Variants in ANKS3 observed in about 807,000 individuals in gnomAD.
The protein encoded by ANKS3 is ankyrin repeat and sterile alpha motif domain containing 3, also known as ankyrin repeat and SAM domain-containing protein 3.
Under a neutral mutation model 80.7 loss-of-function variants are expected in ANKS3, and 62 were observed. The ratio of observed to expected loss-of-function variants is 0.77; its 90% CI spans 0.63 to 0.95. The LOEUF (loss-of-function observed/expected upper bound fraction) is 0.95. ANKS3 is among the 40% of genes least tolerant of loss of function. The probability of loss-of-function intolerance (pLI) is 0.00; values close to 1 mark genes in which losing one functional copy is unlikely to be tolerated. For missense variants in ANKS3, 1,150 were observed against 883.6 expected (o/e 1.30, Z -3.82); for synonymous variants, 489 against 355.3 (o/e 1.38, Z -4.23).
intron 3 of ANKS3, 183 bp from the exon 4 acceptor site, chr16:4,727,360 G>A: frequency 1.6e-6 from 1 of 638,912 alleles, no homozygotes; most frequent in East Asian, 2.7e-5. Flanking sequence ...CTCGTACACT[G>A]CCTTGTGAGG....
rs760617540 is a variant in ANKS3, at chr16:4,698,075, G to C, written c.1725-13C>G. 3 of 1,600,352 alleles carry C rather than the reference G, an allele frequency of 1.9e-6. No homozygotes were observed. Among genetic ancestry groups the C allele is most frequent in the Admixed American group, 3.4e-5 (2 of 58,076 alleles). ...AGCTTGACAGGCTCTGCCAGACACA[G>C]AAACAAATATTGGTGAGAGCAGAGG... On this transcript the variant is annotated splice_polypyrimidine_tract_variant and intron_variant, in intron 14 of 17. Coordinates refer to ENST00000304283, the MANE Select transcript of ANKS3 (RefSeq NM_133450.4).
At chr16:4,722,093 G>A (rs190487421) in intron 6 of ANKS3, among the ~76,000 whole-genome samples, 1 of 151,382 alleles carries the variant, frequency 6.6e-6, no homozygotes, top group Non-Finnish European at 1.5e-5. Flanking sequence ...CAGGCAGGGT[G>A]GGGGACAGGC....
At chr16:4,712,993 A>G (rs1046013247) in intron 7 of ANKS3, among the ~76,000 whole-genome samples, 3 of 151,472 alleles carry the variant, frequency 2.0e-5, no homozygotes, top group Admixed American at 2.0e-4. Flanking sequence ...TGCAGGGCTG[A>G]GTGCAGTGGC....
At chr16:4,726,211 C>A (rs1002797568) in intron 5 of ANKS3, among the ~76,000 whole-genome samples, 2 of 151,966 alleles carry the variant, frequency 1.3e-5, no homozygotes, top group African/African-American at 4.8e-5. Flanking sequence ...CTCCTGACCT[C>A]GTGATCTGCC....
At chr16:4,717,137 G>C (rs1448905079) in intron 6 of ANKS3, among the ~76,000 whole-genome samples, 5 of 152,046 alleles carry the variant, frequency 3.3e-5, no homozygotes, top group African/African-American at 1.2e-4. Context: ...AGCTACTCAG[G>C]AAGCTGAGGA....
At chr16:4,697,441 G>A (rs2079626409) in intron 15 of ANKS3, 25 bp from the exon 16 acceptor site, 1 of 1,562,286 alleles carries the variant, frequency 6.4e-7, no homozygotes. Flanking sequence ...CAGGGACCGA[G>A]TTAGCTGGGG....
Position 4,698,121 on chromosome 16 carries a change from C to T in ANKS3, c.1725-59G>A, listed in dbSNP as rs142956622. The T allele has an allele frequency of 7.5e-4, 1,141 of 1,512,004 alleles. 10 individuals carry two copies. The African/African-American group carries it at 0.014, about 19-fold the overall frequency. The allele number at this position is 1,512,004 out of a possible 1,614,324, so 93.7% of individuals were successfully genotyped here. Reference sequence around the variant, plus strand: ...AGAGGCCTGGCCGCTGCAGAGCCCCCACCTCAGACCTTCTAGGGGAGGGAG... The same window carrying T: ...AGAGGCCTGGCCGCTGCAGAGCCCCTACCTCAGACCTTCTAGGGGAGGGAG... On this transcript the variant is annotated intron_variant, in intron 14 of 17. Transcript: ENST00000304283.
intron 8 of ANKS3, among the ~76,000 whole-genome samples, chr16:4,703,030 G>A (rs1384602698): frequency 2.6e-5 from 4 of 152,348 alleles, no homozygotes; most frequent in South Asian, 2.1e-4. Flanking sequence ...TGGTTGATGG[G>A]ACCATGGGGA....
At chr16:4,717,792 C>T in intron 6 of ANKS3, among the ~76,000 whole-genome samples, 1 of 151,972 alleles carries the variant, frequency 6.6e-6, no homozygotes, top group Non-Finnish European at 1.5e-5. Context: ...CAAACACACA[C>T]CACAACTGGC....
At chr16:4,708,753 T>G (rs1454599247) in intron 7 of ANKS3, among the ~76,000 whole-genome samples, 1 of 148,970 alleles carries the variant, frequency 6.7e-6, no homozygotes, top group Non-Finnish European at 1.5e-5. Context: ...GCTAACACAG[T>G]GAAACCCTGT....
At chr16:4,702,418 T>A (rs2079967276) in intron 8 of ANKS3, among the ~76,000 whole-genome samples, 176 bp from the exon 9 acceptor site, 1 of 152,148 alleles carries the variant, frequency 6.6e-6, no homozygotes. Flanking sequence ...TGAGGGTCAG[T>A]CAGTGGCCCA....
rs772236718 is a variant in ANKS3 at position 4,698,605 on chromosome 16, G to C, written c.1552-6C>G. 2.9e-5 allele frequency: 45 copies of C among 1,546,724 alleles called. No individual in the cohort carries two copies. The Admixed American group carries it at 4.1e-4, about 14-fold the overall frequency. ...GCCTCTACCTCCTCGCAGCGCTGCA[G>C]GGGGGTGGGGGGCGCGGGGAGGCTG... is the stretch of plus-strand genomic sequence containing the variant. On this transcript the variant is annotated splice_polypyrimidine_tract_variant and splice_region_variant and intron_variant, in intron 13 of 17. Transcript: ENST00000304283.
chr16:4,701,180 A>T, intron 10 of ANKS3, 46 bp from the exon 11 acceptor site: 1 of 1,610,082 alleles, frequency 6.2e-7, no homozygotes, highest in East Asian at 2.2e-5. Context: ...GGCTAACTTG[A>T]GAGCCTTGGT....
chr16:4,700,712 G>A lies in ANKS3; in HGVS notation c.1284+258C>T, dbSNP rs1206554887. 4 of 614,934 alleles carry A rather than the reference G, an allele frequency of 6.5e-6. No individual in the cohort carries two copies. The East Asian group carries it at 1.3e-4, about 19-fold the overall frequency. The allele number at this position is 614,934 out of a possible 1,614,324, so 38.1% of individuals were successfully genotyped here. Reference sequence around the variant, plus strand: ...GTCAAGTGTGCTTTTCTTCTCCCCAGGCTCAGGGAGGCCAACTCCAGTATG... The same window carrying A: ...GTCAAGTGTGCTTTTCTTCTCCCCAAGCTCAGGGAGGCCAACTCCAGTATG... On this transcript the variant is annotated intron_variant, in intron 11 of 17. Coordinates refer to ENST00000304283, the MANE Select transcript of ANKS3 (RefSeq NM_133450.4).
chr16:4,722,348 G>C (rs557350325), intron 6 of ANKS3, among the ~76,000 whole-genome samples: 1 of 149,706 alleles, frequency 6.7e-6, no homozygotes, highest in East Asian at 2.0e-4. Flanking sequence ...TGGGAGGCCA[G>C]GGCGGGCAGA....
intron 6 of ANKS3, among the ~76,000 whole-genome samples, chr16:4,719,804 AT>A (rs372669620): frequency 1.3e-5 from 2 of 152,276 alleles, no homozygotes; most frequent in Non-Finnish European, 1.5e-5. Flanking sequence ...TATAAAAAAA[AT>A]AAATAAAAAA....
At chr16:4,718,616 G>C (rs1052427152) in intron 6 of ANKS3, among the ~76,000 whole-genome samples, 4 of 152,214 alleles carry the variant, frequency 2.6e-5, no homozygotes, top group African/African-American at 9.6e-5. Context: ...CCCTCCTCTG[G>C]CTCCAGGTGG....
rs536192729 is a variant in ANKS3, at chr16:4,697,397, C to T, written c.1830G>A (p.Ala610=). The change falls in exon 16 of 18, where the codon GCG becomes GCA. Residue 610 remains alanine, a synonymous_variant. Coordinates refer to ENST00000304283, the MANE Select transcript of ANKS3 (RefSeq NM_133450.4). Reference sequence around the variant, plus strand: ...CGGGGAGGCTCATGGCCTGCAGGGACGCTTGCCAGCCCTTGGAGTCTGTGG... The same window carrying T: ...CGGGGAGGCTCATGGCCTGCAGGGATGCTTGCCAGCCCTTGGAGTCTGTGG... ...VPPADSKGWQ[A]SLQAMSLPEL... is the part of the protein sequence containing the mutation. 2.7e-5 allele frequency: 43 copies of T among 1,608,522 alleles called. No homozygotes were observed. The highest frequency in any genetic ancestry group is 1.0e-4 in the Admixed American group (6 of 59,686).
chr16:4,719,949 G>A (rs1229304302), intron 6 of ANKS3, among the ~76,000 whole-genome samples: 3 of 151,070 alleles, frequency 2.0e-5, no homozygotes, highest in Admixed American at 6.6e-5. Context: ...AGATCATGAG[G>A]TCAGGAGTTC....
Sources: gnomAD v4.1 joint callset for allele counts (sites outside exome capture counted in the v4.1 genomes callset) on GRCh38, gnomAD v4.1.1 for gene constraint, MANE v1.5 for transcripts, NCBI Gene and HGNC (gene_info 2026-07-23, HGNC 2026-07-21) for gene names.